FAM227A: variants seen among roughly 807,000 people sequenced by gnomAD.
FAM227A encodes the protein protein FAM227A.
In FAM227A, 80 loss-of-function variants were observed where a neutral mutation model predicts 74.7. The ratio of observed to expected loss-of-function variants is 1.07; its 90% CI spans 0.89 to 1.29. The LOEUF (loss-of-function observed/expected upper bound fraction) is 1.29. Ranked by LOEUF, FAM227A falls within the 50% of genes most tolerant of loss-of-function variation. The probability of loss-of-function intolerance (pLI) is 0.00; values close to 1 mark genes in which losing one functional copy is unlikely to be tolerated. For missense variants in FAM227A, 654 were observed against 683.4 expected, an observed-to-expected ratio of 0.96 and a Z score of 0.48; for synonymous variants, 237 against 241.8, an observed-to-expected ratio of 0.98 and a Z score of 0.19.
chr22:38,614,922 C>G (rs2091543872), intron 11 of FAM227A, among the ~76,000 whole-genome samples: 1 of 152,210 alleles, frequency 6.6e-6, no homozygotes, highest in African/African-American at 2.4e-5. Flanking sequence ...CTGACGTTTA[C>G]AGAGCACAGT....
intron 8 of FAM227A, 35 bp from the exon 9 acceptor site, chr22:38,626,338 A>C: frequency 6.5e-7 from 1 of 1,539,916 alleles, no homozygotes; most frequent in Non-Finnish European, 8.8e-7. Context: ...AACGTTCTCA[A>C]CATTTCCACC....
intron 2 of FAM227A, 165 bp downstream of exon 2, chr22:38,649,862 C>T (rs2092297491): frequency 1.6e-6 from 1 of 639,602 alleles, no homozygotes. Flanking sequence ...TGTGAAACTC[C>T]ATCTCAAAAA....
At position 38,628,304 on chromosome 22, in the gene FAM227A, T is replaced by C. The variant is rs1348436145; in HGVS notation, c.660A>G (p.Ile220Met). The change falls in exon 8 of 17, where the codon ATA (isoleucine) becomes ATG (methionine). Residue 220 changes from isoleucine to methionine, a missense_variant. By Grantham distance (10) the Ile-to-Met change is conservative. Coordinates refer to ENST00000535113, the MANE Select transcript of FAM227A (RefSeq NM_001013647.2). ...KELQNNLFDR[I>M]AQHYALLLFR... The stretch of plus-strand genomic sequence containing the variant: ...ACAAAAGTAAGGCATAGTGCTGGGC[T>C]ATCCGGTCAAACAGATTATTCTGGA... 1.3e-6 allele frequency: 2 copies of C among 1,551,420 alleles called. No individual in the cohort carries two copies. Among genetic ancestry groups the C allele is most frequent in the Non-Finnish European group, 1.7e-6 (2 of 1,146,866 alleles).
chr22:38,643,793 C>T (rs1245208195), intron 3 of FAM227A, among the ~76,000 whole-genome samples: 1 of 152,040 alleles, frequency 6.6e-6, no homozygotes, highest in Non-Finnish European at 1.5e-5. Context: ...TACGTTCAGA[C>T]AATGGAATAT....
chr22:38,582,956 CAAAG>C lies in FAM227A; in HGVS notation c.*3165_*3168del, dbSNP rs2090731875. 6.5e-7 allele frequency: 1 copy of C among 1,550,052 alleles called. No homozygotes were observed. The highest frequency in any genetic ancestry group is 1.4e-5 in the African/African-American group (1 of 73,040). On this transcript the variant is annotated 3_prime_UTR_variant, in exon 17 of 17. Transcript: ENST00000535113. ...AGGAATTAGTGATGTTGGCAGTTAA[CAAAG>C]AGGAGGGAGGAGAAGGCATTTTCAG...
chr22:38,596,127 A>T (rs1450818011), intron 15 of FAM227A, among the ~76,000 whole-genome samples: 1 of 152,006 alleles, frequency 6.6e-6, no homozygotes, highest in Non-Finnish European at 1.5e-5. Flanking sequence ...TTTGAGACCA[A>T]CCAGGCAACA....
At chr22:38,628,772 G>T in intron 7 of FAM227A, 62 bp downstream of exon 7, 1 of 998,466 alleles carries the variant, frequency 1.0e-6, no homozygotes, top group South Asian at 1.5e-5. Flanking sequence ...CAAAGAGAAT[G>T]GAATTTGTTC....
At chr22:38,620,180 A>G in intron 11 of FAM227A, 32 bp downstream of exon 11, 4 of 1,490,488 alleles carry the variant, frequency 2.7e-6, no homozygotes, top group Non-Finnish European at 3.7e-6. Context: ...ATGGGACTCC[A>G]AAGGGGTCCT....
rs2090690379 is a variant in FAM227A, at chr22:38,579,799, A to G, written c.*6326T>C. ...AAAATATAACCATAATGCTATTATCACGCCTAGAATAATTTTATATATAAA... is the reference window on the plus strand; with the variant it reads ...AAAATATAACCATAATGCTATTATCGCGCCTAGAATAATTTTATATATAAA... On this transcript the variant is annotated 3_prime_UTR_variant, in exon 17 of 17. Coordinates refer to ENST00000535113, the MANE Select transcript of FAM227A (RefSeq NM_001013647.2). 1 of 152,190 alleles carries G rather than the reference A, an allele frequency of 6.6e-6. No individual in the cohort carries two copies. Among genetic ancestry groups the G allele is most frequent in the Admixed American group, 6.5e-5 (1 of 15,272 alleles). 9.4% of individuals were successfully genotyped at this position (152,190 alleles called of 1,614,324 possible).
At chr22:38,638,132 T>G (rs1044294822) in intron 5 of FAM227A, among the ~76,000 whole-genome samples, 9 of 152,078 alleles carry the variant, frequency 5.9e-5, no homozygotes, top group African/African-American at 2.2e-4. Context: ...GCCACTGCAC[T>G]CCAGCCTGGG....
At chr22:38,620,323 T>C in intron 10 of FAM227A, 32 bp from the exon 11 acceptor site, 8 of 1,479,144 alleles carry the variant, frequency 5.4e-6, no homozygotes, top group Non-Finnish European at 7.4e-6. Flanking sequence ...TATTAATTCC[T>C]CTTGTCATGG....
At chr22:38,587,508 T>G (rs2090835737) in intron 16 of FAM227A, among the ~76,000 whole-genome samples, 1 of 151,992 alleles carries the variant, frequency 6.6e-6, no homozygotes, top group South Asian at 2.1e-4. Context: ...ATACACAAAT[T>G]ACCAAAACTG....
intron 6 of FAM227A, among the ~76,000 whole-genome samples, chr22:38,635,050 G>C (rs899579387): frequency 6.6e-6 from 1 of 151,808 alleles, no homozygotes; most frequent in Non-Finnish European, 1.5e-5. Context: ...ATCGAGAACA[G>C]CCTGGCCAAC....
chr22:38,643,678 C>A (rs2092165052), intron 3 of FAM227A, among the ~76,000 whole-genome samples: 1 of 152,170 alleles, frequency 6.6e-6, no homozygotes, highest in Non-Finnish European at 1.5e-5. Flanking sequence ...AAAACTTATG[C>A]CCACACAAAG....
At chr22:38,626,592 G>A (rs947106133) in intron 8 of FAM227A, among the ~76,000 whole-genome samples, 14 of 151,590 alleles carry the variant, frequency 9.2e-5, no homozygotes, top group East Asian at 3.9e-4. Flanking sequence ...GGCCGGGTGC[G>A]GTGGCTCACG....
intron 16 of FAM227A, among the ~76,000 whole-genome samples, chr22:38,587,144 G>A (rs1438402972): frequency 6.6e-6 from 1 of 152,134 alleles, no homozygotes; most frequent in African/African-American, 2.4e-5. Flanking sequence ...GAAATTTATA[G>A]CCATAAATGC....
intron 8 of FAM227A, among the ~76,000 whole-genome samples, chr22:38,626,829 G>A (rs1207383674): frequency 1.6e-5 from 2 of 122,018 alleles, no homozygotes; most frequent in Non-Finnish European, 3.2e-5. Context: ...AGCTGCGACC[G>A]TGCACTCCAG....
Position 38,579,629 on chromosome 22 carries a change from A to G in FAM227A, c.*6496T>C, listed in dbSNP as rs2090688788. 1 of 152,136 alleles carries G rather than the reference A, an allele frequency of 6.6e-6. No homozygotes were observed. The highest frequency in any genetic ancestry group is 2.1e-4 in the South Asian group (1 of 4,830). 9.4% of individuals were successfully genotyped at this position (152,136 alleles called of 1,614,324 possible). A position where few individuals can be genotyped will look rare whatever the true frequency, so the allele number is the denominator to read the frequency against. On this transcript the variant is annotated 3_prime_UTR_variant, in exon 17 of 17. Coordinates refer to ENST00000535113, the MANE Select transcript of FAM227A (RefSeq NM_001013647.2). The stretch of plus-strand genomic sequence containing the variant: ...ATATTCCCATCACCCATCTTCAACA[A>G]TTTTCAACACATGGTCAATCTTGTT...
At chr22:38,643,515 A>G (rs1445865905) in intron 3 of FAM227A, among the ~76,000 whole-genome samples, 1 of 152,202 alleles carries the variant, frequency 6.6e-6, no homozygotes, top group Admixed American at 6.6e-5. Flanking sequence ...AATACTGGTG[A>G]GAACGTGGAG....
Sources: allele counts gnomAD v4.1 joint callset (sites outside exome capture counted in the v4.1 genomes callset), GRCh38; gene constraint gnomAD v4.1.1; transcripts MANE v1.5; gene names NCBI Gene and HGNC (gene_info 2026-07-23, HGNC 2026-07-21).